The following IDH2 variants were observed in gnomAD, a reference collection of about 807,000 sequenced individuals.
IDH2 encodes isocitrate dehydrogenase [NADP], mitochondrial.
Under a neutral mutation model 50.5 loss-of-function variants are expected in IDH2, and 18 were observed. The ratio of observed to expected loss-of-function variants is 0.36; its 90% CI spans 0.25 to 0.53. IDH2 has a LOEUF of 0.53. Among genes scored for constraint, IDH2 ranks in the 20% least tolerant of loss-of-function variants. IDH2 has a pLI of 0.92. For synonymous variants in IDH2, 280 were observed against 239.8 expected, an observed-to-expected ratio of 1.17 and a Z score of -1.55; for missense variants, 518 against 610.7, an observed-to-expected ratio of 0.85 and a Z score of 1.60.
chr15:90,099,193 C>T (rs935892521), intron 1 of IDH2, among the ~76,000 whole-genome samples: 29 of 152,102 alleles, frequency 1.9e-4, no homozygotes, highest in Non-Finnish European at 3.5e-4. Context: ...AAAGTAAAAG[C>T]GAAAGCTCTC....
intron 7 of IDH2, among the ~76,000 whole-genome samples, chr15:90,086,862 T>G (rs912412164): frequency 6.6e-6 from 1 of 152,110 alleles, no homozygotes; most frequent in Admixed American, 6.5e-5. Flanking sequence ...CTTAGGGCTG[T>G]CAACCTAGCC....
At position 90,088,442 on chromosome 15, in the gene IDH2, T is replaced by C; in HGVS notation, c.595A>G (p.Lys199Glu). The C allele has an allele frequency of 6.2e-7, 1 of 1,614,226 alleles. No homozygotes were observed. Among genetic ancestry groups the C allele is most frequent in the Non-Finnish European group, 8.5e-7 (1 of 1,180,038 alleles). ...AGTFKMVFTPKDGSGVKEWEV... is the reference protein window; with the variant it reads ...AGTFKMVFTPEDGSGVKEWEV... The stretch of plus-strand genomic sequence containing the variant: ...CACTCCTTGACACCACTGCCATCTT[T>C]TGGGGTGAAGACCATTTTGAAAGTG... The change falls in exon 5 of 11, where the codon AAA (lysine) becomes GAA (glutamate). Residue 199 changes from lysine to glutamate, a missense_variant. This residue lies in a region of IDH2 where 207 missense variants were observed against 208.6 expected (regional missense o/e 0.99). Transcript: ENST00000330062.
rs1272650473 is a variant in IDH2 at position 90,098,126 on chromosome 15, C to T, written c.115+4150G>A. Among the ~76,000 whole-genome samples, 1 of 152,192 alleles carries T rather than the reference C, an allele frequency of 6.6e-6. No homozygotes were observed. The highest frequency in any genetic ancestry group is 1.5e-5 in the Non-Finnish European group (1 of 68,036). The stretch of plus-strand genomic sequence containing the variant: ...AGCAGCAGCTAGGCCTCCCTGAAAA[C>T]CTCCGAAGTGACAGCCACCACGAAT... On this transcript the variant is annotated intron_variant, in intron 1 of 10. Transcript: ENST00000330062. The surrounding 1 kb of genome is among the most constrained non-coding windows in gnomAD (Gnocchi z 5.1).
At position 90,084,624 on chromosome 15, in the gene IDH2, G is replaced by C. The variant is rs77026878; in HGVS notation, c.1271+192C>G. Among the ~76,000 whole-genome samples the C allele has an allele frequency of 4.1e-4, 62 of 152,308 alleles. 1 individual carries two copies. The East Asian group carries it at 0.012, about 28-fold the overall frequency. On this transcript the variant is annotated intron_variant, in intron 10 of 10. Coordinates refer to ENST00000330062, the MANE Select transcript of IDH2 (RefSeq NM_002168.4). This position sits in a 1 kb window ranked among gnomAD's most constrained non-coding sequence, Gnocchi z 5.0. ...GGTCGGAAGGAGCTCTGAGTAGCCA[G>C]CCTCAGGGATGGGGAGGAACTCACT...
chr15:90,096,173 ACCTGTAGTC>A lies in IDH2; in HGVS notation c.116-4538_116-4530del, dbSNP rs1272700779. On this transcript the variant is annotated intron_variant, in intron 1 of 10. Coordinates refer to ENST00000330062, the MANE Select transcript of IDH2 (RefSeq NM_002168.4). ...AAATTAGCCTGGTGTGGTGACACACACCTGTAGTCCCAGCTATTTGGGAGGCTGAGGCAG... is the reference window on the plus strand; with the variant it reads ...AAATTAGCCTGGTGTGGTGACACACACCAGCTATTTGGGAGGCTGAGGCAG... Among the ~76,000 whole-genome samples, 5 of 152,202 alleles carry A rather than the reference ACCTGTAGTC, an allele frequency of 3.3e-5. No homozygotes were observed. In the East Asian group the frequency reaches 9.7e-4, roughly 29 times the overall value.
In IDH2 at chr15:90,098,070, T is replaced by G. The variant is rs904027955; in HGVS notation, c.115+4206A>C. 6.6e-6 allele frequency among the ~76,000 whole-genome samples: 1 copy of G among 152,120 alleles called. No homozygotes were observed. Among genetic ancestry groups the G allele is most frequent in the Non-Finnish European group, 1.5e-5 (1 of 68,008 alleles). ...CCATGGTCTGCCCTTCTCTGAGAGA[T>G]AAGTGGTGACAAGCTACCTGAAATA... is the stretch of plus-strand genomic sequence containing the variant. On this transcript the variant is annotated intron_variant, in intron 1 of 10. Transcript: ENST00000330062. This position sits in a 1 kb window ranked among gnomAD's most constrained non-coding sequence, Gnocchi z 5.1.
At position 90,084,993 on chromosome 15, in the gene IDH2, A is replaced by G. The variant is rs777959383; in HGVS notation, c.1178+8T>C. 18 of 1,613,512 alleles carry G rather than the reference A, an allele frequency of 1.1e-5. No homozygotes were observed. Among genetic ancestry groups the G allele is most frequent in the Non-Finnish European group, 1.4e-5 (17 of 1,179,642 alleles). On this transcript the variant is annotated splice_region_variant and intron_variant, in intron 9 of 10. Transcript: ENST00000330062. This position sits in a 1 kb window ranked among gnomAD's most constrained non-coding sequence, Gnocchi z 5.0. The stretch of plus-strand genomic sequence containing the variant: ...CTGGGCAGCTCCGGCCTCTCCCTCC[A>G]TGCTCACCTGATGAGGTCTTGGTTC...
intron 5 of IDH2, 46 bp from the exon 6 acceptor site, chr15:90,087,621 G>A (rs2151548569): frequency 6.2e-7 from 1 of 1,611,100 alleles, no homozygotes; most frequent in Non-Finnish European, 8.5e-7. Flanking sequence ...CTAGCCTGGC[G>A]ATTGCCGGCA....
In IDH2 at chr15:90,100,881, G is replaced by C. The variant is rs1901311464; in HGVS notation, c.115+1395C>G. 6.6e-6 allele frequency among the ~76,000 whole-genome samples: 1 copy of C among 151,632 alleles called. No individual in the cohort carries two copies. Among genetic ancestry groups the C allele is most frequent in the African/African-American group, 2.4e-5 (1 of 41,280 alleles). ...CTGCTTTTTCTGTATCCAAATTCAG[G>C]ACCCTTAAAAGGCGCTTTGTGTTCC... On this transcript the variant is annotated intron_variant, in intron 1 of 10. Coordinates refer to ENST00000330062, the MANE Select transcript of IDH2 (RefSeq NM_002168.4). The surrounding 1 kb of genome is among the most constrained non-coding windows in gnomAD (Gnocchi z 4.1).
At position 90,085,030 on chromosome 15, in the gene IDH2, C is replaced by A. The variant is rs771906210; in HGVS notation, c.1149G>T (p.Gly383=). ...TGAGGTCTTGGTTCCCATCCAGCTT[C>A]CCCCGGTGCTCCAGGCCACGTGTCC... ...FAWTRGLEHR[G]KLDGNQDLIR... Residue 383 remains glycine (G), a synonymous_variant, in exon 9 of 11, where the codon GGG becomes GGT. Coordinates refer to ENST00000330062, the MANE Select transcript of IDH2 (RefSeq NM_002168.4). The surrounding 1 kb of genome is among the most constrained non-coding windows in gnomAD (Gnocchi z 5.5). 2.0e-5 allele frequency: 33 copies of A among 1,613,790 alleles called. No individual in the cohort carries two copies. The South Asian group carries it at 3.3e-4, about 16-fold the overall frequency.
chr15:90,087,258 T>C lies in IDH2; in HGVS notation c.821A>G (p.Tyr274Cys), dbSNP rs774183637. 1.4e-5 allele frequency: 22 copies of C among 1,613,994 alleles called. No individual in the cohort carries two copies. The Admixed American group carries it at 2.3e-4, about 17-fold the overall frequency. The change falls in exon 7 of 11, where the codon TAT (tyrosine) becomes TGT (cysteine). Residue 274 changes from tyrosine (Y) to cysteine (C), a missense_variant. Tyr to Cys is a radical substitution (Grantham distance 194). Around this residue, in one of 5 missense-constraint regions of IDH2, gnomAD observed 207 missense variants for 208.6 expected, o/e 0.99. Coordinates refer to ENST00000330062, the MANE Select transcript of IDH2 (RefSeq NM_002168.4). The stretch of plus-strand genomic sequence containing the variant: ...CTTATTCTTGTCGAAGTCGGTCTTA[T>C]AGTGCCTGGGAGTAAAAAGGTCTGT... ...DIFQEIFDKH[Y>C]KTDFDKNKIW...
At position 90,087,424 on chromosome 15, in the gene IDH2, T is replaced by C. The variant is rs762925398; in HGVS notation, c.815+15A>G. On this transcript the variant is annotated intron_variant, in intron 6 of 10. Transcript: ENST00000330062. ...AAGGGAAGAAAGGCCACAGAGTACA[T>C]GGATGAGGCTTTACTTGTCAAAGAT... is the stretch of plus-strand genomic sequence containing the variant. 1.9e-6 allele frequency: 3 copies of C among 1,614,128 alleles called. No homozygotes were observed. The highest frequency in any genetic ancestry group is 2.5e-6 in the Non-Finnish European group (3 of 1,179,966).
rs1901241196 is a variant in IDH2 at position 90,098,523 on chromosome 15, T to TGCATGCATGTATGTATGTATGC, written c.115+3752_115+3753insGCATACATACATACATGCATGC. Reference sequence around the variant, plus strand: ...TATTTTATGTATGTATGTATGTATGTATGCATGCATGTATGTATGTATGTA... The same window carrying TGCATGCATGTATGTATGTATGC: ...TATTTTATGTATGTATGTATGTATGTGCATGCATGTATGTATGTATGCATGCATGCATGTATGTATGTATGTA... On this transcript the variant is annotated intron_variant, in intron 1 of 10. Coordinates refer to ENST00000330062, the MANE Select transcript of IDH2 (RefSeq NM_002168.4). The surrounding 1 kb of genome is among the most constrained non-coding windows in gnomAD (Gnocchi z 5.1). Among the ~76,000 whole-genome samples the TGCATGCATGTATGTATGTATGC allele has an allele frequency of 1.1e-5, 1 of 90,146 alleles. No homozygotes were observed. 59.1% of individuals were successfully genotyped at this position (90,146 alleles called of 152,430 possible).
intron 1 of IDH2, among the ~76,000 whole-genome samples, chr15:90,092,338 CTTA>C (rs577110089): frequency 1.1e-3 from 139 of 129,048 alleles, no homozygotes; most frequent in African/African-American, 3.3e-3. Context: ...TCCATCCTTA[CTTA>C]CTTCCTTTCC....
Position 90,084,200 on chromosome 15 carries a change from C to T in IDH2, c.*66G>A, listed in dbSNP as rs999442699. 3.4e-5 allele frequency: 45 copies of T among 1,334,814 alleles called. No individual in the cohort carries two copies. The highest frequency in any genetic ancestry group is 7.2e-5 in the African/African-American group (5 of 69,244). The allele number at this position is 1,334,814 out of a possible 1,614,324, so 82.7% of individuals were successfully genotyped here. ...AGGGGCTGTGAGGCTCACCCTCTGC[C>T]GCGCTCAGGAGGACCCGCCGGCTCA... On this transcript the variant is annotated 3_prime_UTR_variant, in exon 11 of 11. Coordinates refer to ENST00000330062, the MANE Select transcript of IDH2 (RefSeq NM_002168.4). The surrounding 1 kb of genome is among the most constrained non-coding windows in gnomAD (Gnocchi z 5.0).
At chr15:90,097,458 T>C (rs1225891648) in intron 1 of IDH2, among the ~76,000 whole-genome samples, 1 of 152,228 alleles carries the variant, frequency 6.6e-6, no homozygotes, top group Non-Finnish European at 1.5e-5. Context: ...TACTGTTATC[T>C]ACATACAATG....
In IDH2 at chr15:90,085,533, G is replaced by T; in HGVS notation, c.968-146C>A. On this transcript the variant is annotated intron_variant, in intron 7 of 10. Transcript: ENST00000330062. The surrounding 1 kb of genome is among the most constrained non-coding windows in gnomAD (Gnocchi z 5.5). The stretch of plus-strand genomic sequence containing the variant: ...CCCCAGCTGCAACTGGGAGGACAGG[G>T]ACTGTTCCAGGTCTCTTCACCCTCC... 1.4e-6 allele frequency: 1 copy of T among 712,130 alleles called. No homozygotes were observed. Among genetic ancestry groups the T allele is most frequent in the Admixed American group, 2.0e-5 (1 of 49,694 alleles). The allele number at this position is 712,130 out of a possible 1,614,324, so 44.1% of individuals were successfully genotyped here.
intron 1 of IDH2, among the ~76,000 whole-genome samples, chr15:90,093,447 A>G (rs1373585302): frequency 1.3e-5 from 2 of 152,194 alleles, no homozygotes; most frequent in Non-Finnish European, 2.9e-5. Context: ...CGTGCAACCC[A>G]AGAGCCCTCA....
chr15:90,102,269 C>A lies in IDH2; in HGVS notation c.115+7G>T. The A allele has an allele frequency of 8.1e-7, 1 of 1,229,692 alleles. No homozygotes were observed. Among genetic ancestry groups the A allele is most frequent in the Admixed American group, 3.6e-5 (1 of 27,994 alleles). The allele number at this position is 1,229,692 out of a possible 1,614,324, so 76.2% of individuals were successfully genotyped here. On this transcript the variant is annotated splice_region_variant and intron_variant, in intron 1 of 10. Transcript: ENST00000330062. ...GCGCCTGCCTGGACCCTCCGCGCGG[C>A]ACTCACAGTGGCGCCGCGGCTGCTC...
Sources: allele counts gnomAD v4.1 joint callset (sites outside exome capture counted in the v4.1 genomes callset), GRCh38; gene constraint gnomAD v4.1.1; regional missense constraint gnomAD v4.1.1; non-coding constraint Gnocchi (gnomAD v3.1); transcripts MANE v1.5; gene names NCBI Gene and HGNC (gene_info 2026-07-23, HGNC 2026-07-21).